HECW1: variants seen among roughly 807,000 people sequenced by gnomAD.
HECW1 encodes HECT, C2 and WW domain containing E3 ubiquitin protein ligase 1, also known as E3 ubiquitin-protein ligase HECW1.
A neutral mutation model predicts 182.3 loss-of-function variants in HECW1; 61 were observed. The observed-to-expected ratio is 0.33, with a 90% CI of 0.27 to 0.41. The LOEUF (loss-of-function observed/expected upper bound fraction) is 0.41. HECW1 is among the 10% of genes least tolerant of loss of function. The pLI is 1.00. For missense variants in HECW1, 1,739 were observed against 2,108.9 expected, an observed-to-expected ratio of 0.82 and a Z score of 3.44; for synonymous variants, 859 against 832.6, an observed-to-expected ratio of 1.03 and a Z score of -0.55.
chr7:43,327,657 A>G (rs116236606), intron 5 of HECW1, among the ~76,000 whole-genome samples: 318 of 152,268 alleles, frequency 2.1e-3, no homozygotes, highest in African/African-American at 7.2e-3. Flanking sequence ...ATCCCAAAAG[A>G]ATTAATCTTG....
intron 24 of HECW1, among the ~76,000 whole-genome samples, chr7:43,519,437 G>A (rs2080335770): frequency 6.6e-6 from 1 of 152,110 alleles, no homozygotes; most frequent in Non-Finnish European, 1.5e-5. Context: ...GTAGAGACGG[G>A]GTTTCACTAT....
intron 24 of HECW1, among the ~76,000 whole-genome samples, chr7:43,525,394 A>G (rs1281099663): frequency 2.0e-5 from 3 of 152,304 alleles, no homozygotes; most frequent in Non-Finnish European, 2.9e-5. Flanking sequence ...GAGGTTTAAA[A>G]AGCAAATTAT....
intron 3 of HECW1, among the ~76,000 whole-genome samples, chr7:43,283,700 C>T (rs970778272): frequency 2.6e-5 from 4 of 152,134 alleles, no homozygotes; most frequent in African/African-American, 9.7e-5. Flanking sequence ...GTAAGAGTAA[C>T]ATATATTGTT....
At chr7:43,464,563 A>T (rs977706717) in intron 14 of HECW1, among the ~76,000 whole-genome samples, 1 of 151,968 alleles carries the variant, frequency 6.6e-6, no homozygotes, top group Non-Finnish European at 1.5e-5. Flanking sequence ...CTTTCTTTTT[A>T]AGTTGGGTAA....
At chr7:43,549,637 A>G (rs2081718576) in intron 26 of HECW1, among the ~76,000 whole-genome samples, 2 of 152,232 alleles carry the variant, frequency 1.3e-5, no homozygotes, top group South Asian at 4.1e-4. Flanking sequence ...TGACTCAAGC[A>G]TGTCCTAACA....
intron 5 of HECW1, among the ~76,000 whole-genome samples, chr7:43,360,334 C>T (rs1344710425): frequency 6.6e-6 from 1 of 152,080 alleles, no homozygotes; most frequent in Non-Finnish European, 1.5e-5. Context: ...GCCTCAGCCT[C>T]CCAAGTAGCT....
chr7:43,445,814 G>A (rs1033865037), intron 11 of HECW1, among the ~76,000 whole-genome samples: 2 of 152,158 alleles, frequency 1.3e-5, no homozygotes, highest in African/African-American at 2.4e-5. Flanking sequence ...GGATGTGAGC[G>A]TGCACTTGTA....
chr7:43,239,190 G>C (rs1454859949), intron 2 of HECW1: 1 of 152,216 alleles, frequency 6.6e-6, no homozygotes, highest in Non-Finnish European at 1.5e-5. Flanking sequence ...CCAAAAGGGA[G>C]ACGATCTAGT....
At chr7:43,415,565 A>G (rs1319976881) in intron 8 of HECW1, among the ~76,000 whole-genome samples, 1 of 151,962 alleles carries the variant, frequency 6.6e-6, no homozygotes, top group Non-Finnish European at 1.5e-5. Context: ...CCTGAATCTG[A>G]ACATTGGCCT....
rs115088111 is a variant in HECW1 at position 43,399,370 on chromosome 7, T to G, written c.631+2481T>G. 5.2e-3 allele frequency among the ~76,000 whole-genome samples: 785 copies of G among 152,338 alleles called. 7 individuals are homozygous for G. The highest frequency in any genetic ancestry group is 0.018 in the African/African-American group (748 of 41,580). On this transcript the variant is annotated intron_variant, in intron 7 of 29. Coordinates refer to ENST00000395891, the MANE Select transcript of HECW1 (RefSeq NM_015052.5). ...GCAGTGGTGGTTTCAACTCACTAAT[T>G]TTGTACTTCTAAGGCAAAAGCTAGC...
At chr7:43,352,176 GC>G (rs1366500082) in intron 5 of HECW1, among the ~76,000 whole-genome samples, 1 of 152,002 alleles carries the variant, frequency 6.6e-6, no homozygotes, top group Non-Finnish European at 1.5e-5. Context: ...ATTTTCCACT[GC>G]CTTGCTAGGT....
At chr7:43,190,141 T>A (rs1478473034) in intron 2 of HECW1, among the ~76,000 whole-genome samples, 4 of 152,162 alleles carry the variant, frequency 2.6e-5, no homozygotes, top group Non-Finnish European at 5.9e-5. Flanking sequence ...TGAGACGGAG[T>A]CATGCTCTGT....
At chr7:43,132,076 C>T (rs988601995) in intron 2 of HECW1, among the ~76,000 whole-genome samples, 25 of 152,190 alleles carry the variant, frequency 1.6e-4, no homozygotes, top group Non-Finnish European at 3.1e-4. Flanking sequence ...TCTATTTTCT[C>T]TGACTCTTAG....
chr7:43,520,658 TA>T (rs201702542), intron 24 of HECW1, among the ~76,000 whole-genome samples: 8 of 151,722 alleles, frequency 5.3e-5, no homozygotes, highest in East Asian at 1.9e-4. Context: ...AGGTTTTTTT[TA>T]AAAAAAACAC....
chr7:43,508,873 C>T, intron 23 of HECW1, 96 bp from the exon 24 acceptor site: 1 of 1,336,786 alleles, frequency 7.5e-7, no homozygotes. Flanking sequence ...TTCCCCAGCA[C>T]CCAACTCTGA....
At chr7:43,361,126 A>T in intron 6 of HECW1, 146 bp downstream of exon 6, 1 of 544,754 alleles carries the variant, frequency 1.8e-6, no homozygotes, top group Non-Finnish European at 3.2e-6. Flanking sequence ...ATACTGATAG[A>T]TTGATTATGA....
chr7:43,527,519 G>A (rs922025628), intron 24 of HECW1, among the ~76,000 whole-genome samples: 27 of 152,056 alleles, frequency 1.8e-4, no homozygotes, highest in African/African-American at 5.1e-4. Context: ...TTATAAGAAC[G>A]CTTGTCGATG....
intron 2 of HECW1, among the ~76,000 whole-genome samples, chr7:43,196,801 G>A (rs1398888110): frequency 6.6e-6 from 1 of 152,050 alleles, no homozygotes; most frequent in Non-Finnish European, 1.5e-5. Flanking sequence ...AATCTATGGT[G>A]GTTTTAAAAC....
At chr7:43,520,025 A>G (rs1039153758) in intron 24 of HECW1, among the ~76,000 whole-genome samples, 1 of 152,216 alleles carries the variant, frequency 6.6e-6, no homozygotes, top group Admixed American at 6.5e-5. Context: ...CTGTGGGTAA[A>G]AAATAAATAA....
Sources: gnomAD v4.1 joint callset for allele counts (sites outside exome capture counted in the v4.1 genomes callset) on GRCh38, gnomAD v4.1.1 for gene constraint, MANE v1.5 for transcripts, NCBI Gene and HGNC (gene_info 2026-07-23, HGNC 2026-07-21) for gene names.